RSPH1: variants seen among roughly 807,000 people sequenced by gnomAD.
RSPH1 encodes the protein radial spoke head 1 homolog.
RSPH1 carries 32 observed loss-of-function variants against 44.2 expected under a neutral mutation model. The ratio of observed to expected loss-of-function variants is 0.72; its 90% CI spans 0.55 to 0.97. The LOEUF (loss-of-function observed/expected upper bound fraction) is 0.97. RSPH1 is among the 50% of genes least tolerant of loss of function. RSPH1 has a pLI of 0.00. For synonymous variants in RSPH1, 134 were observed against 147.3 expected (o/e 0.91, Z 0.65); for missense variants, 391 against 398.7 (o/e 0.98, Z 0.16).
intron 6 of RSPH1, among the ~76,000 whole-genome samples, chr21:42,480,612 C>A (rs2054116290): frequency 7.3e-6 from 1 of 136,324 alleles, no homozygotes; most frequent in Admixed American, 8.5e-5. Context: ...TGCACTCCAG[C>A]CTGGGCAACA....
chr21:42,490,620 A>T (rs1260939905), intron 3 of RSPH1, among the ~76,000 whole-genome samples: 3 of 152,212 alleles, frequency 2.0e-5, no homozygotes, highest in Non-Finnish European at 4.4e-5. Flanking sequence ...TTACCAGAAG[A>T]GCTTTATATG....
At chr21:42,495,400 G>C (rs1352427737) in intron 1 of RSPH1, among the ~76,000 whole-genome samples, 1 of 152,190 alleles carries the variant, frequency 6.6e-6, no homozygotes, top group East Asian at 1.9e-4. Flanking sequence ...TCTGTACTGT[G>C]CATGCAGACC....
At chr21:42,485,583 G>T in intron 5 of RSPH1, 86 bp downstream of exon 5, 36 of 1,489,390 alleles carry the variant, frequency 2.4e-5, no homozygotes, top group Non-Finnish European at 3.3e-5. Flanking sequence ...CTGAGTTTTT[G>T]GTATTCTCTG....
chr21:42,496,214 G>A lies in RSPH1; in HGVS notation c.-28C>T. ...TCTCGCCCCAGCCTGGATCACAGCC[G>A]CAGCGCCTCTAGCAGGTGGGTAGCA... On this transcript the variant is annotated 5_prime_UTR_variant, in exon 1 of 9. Coordinates refer to ENST00000291536, the MANE Select transcript of RSPH1 (RefSeq NM_080860.4). 6.2e-7 allele frequency: 1 copy of A among 1,613,452 alleles called. No individual in the cohort carries two copies. Among genetic ancestry groups the A allele is most frequent in the Non-Finnish European group, 8.5e-7 (1 of 1,179,466 alleles).
chr21:42,479,354 C>T (rs1024700557), intron 6 of RSPH1, among the ~76,000 whole-genome samples: 3 of 152,172 alleles, frequency 2.0e-5, no homozygotes, highest in African/African-American at 7.2e-5. Context: ...TAAACAGCAA[C>T]AGGACTTGGG....
At chr21:42,490,181 A>G (rs1248503063) in intron 3 of RSPH1, among the ~76,000 whole-genome samples, 1 of 142,620 alleles carries the variant, frequency 7.0e-6, no homozygotes, top group African/African-American at 2.7e-5. Flanking sequence ...TATCCAAGTC[A>G]CCCGCCACCC....
intron 6 of RSPH1, 83 bp downstream of exon 6, chr21:42,482,554 C>T (rs2054139040): frequency 1.0e-6 from 1 of 974,350 alleles, no homozygotes; most frequent in Non-Finnish European, 1.6e-6. Flanking sequence ...TTAGGCGAAT[C>T]ACCTCCAACC....
At chr21:42,496,080 G>A in intron 1 of RSPH1, 53 bp downstream of exon 1, 1 of 1,604,444 alleles carries the variant, frequency 6.2e-7, no homozygotes, top group South Asian at 1.1e-5. Flanking sequence ...CAACCTCGAG[G>A]TTCCCCCGCC....
intron 6 of RSPH1, 30 bp downstream of exon 6, chr21:42,482,607 T>A (rs1030409540): frequency 3.9e-6 from 6 of 1,547,902 alleles, no homozygotes; most frequent in Non-Finnish European, 5.3e-6. Flanking sequence ...CCTGTTAATG[T>A]AACAAAACCC....
intron 3 of RSPH1, among the ~76,000 whole-genome samples, chr21:42,490,465 T>A (rs1423279406): frequency 6.6e-6 from 1 of 152,252 alleles, no homozygotes; most frequent in Non-Finnish European, 1.5e-5. Context: ...ATTAATATTA[T>A]AACTTCTGAC....
In RSPH1 at chr21:42,485,778, G is replaced by A. The variant is rs763522896; in HGVS notation, c.392C>T (p.Ala131Val). 3.0e-5 allele frequency: 48 copies of A among 1,614,052 alleles called. No individual in the cohort carries two copies. The highest frequency in any genetic ancestry group is 1.6e-4 in the Middle Eastern group (1 of 6,084). The change falls in exon 5 of 9, where the codon GCG becomes GTG. Residue 131 changes from alanine to valine, a missense_variant. Coordinates refer to ENST00000291536, the MANE Select transcript of RSPH1 (RefSeq NM_080860.4). ...GCCAACATACTTACTGCCCGTCTCC[G>A]CGTATAAATAGGTGCCTTGCCCATG... ...QRHGQGTYLY[A>V]ETGSKYVGTW...
chr21:42,490,538 A>G (rs1233648416), intron 3 of RSPH1, among the ~76,000 whole-genome samples: 1 of 152,174 alleles, frequency 6.6e-6, no homozygotes, highest in Non-Finnish European at 1.5e-5. Flanking sequence ...CAGAGAAGAA[A>G]TCTCTGGGTA....
intron 5 of RSPH1, among the ~76,000 whole-genome samples, chr21:42,484,386 C>A (rs1180318557): frequency 6.6e-6 from 1 of 152,204 alleles, no homozygotes; most frequent in African/African-American, 2.4e-5. Context: ...CTAACCTACA[C>A]AATAGTCCCA....
intron 6 of RSPH1, among the ~76,000 whole-genome samples, chr21:42,481,979 A>G (rs952524068): frequency 1.3e-5 from 2 of 152,236 alleles, no homozygotes; most frequent in African/African-American, 4.8e-5. Context: ...GCTAACAGTC[A>G]CTGGACAAAC....
chr21:42,486,870 C>A (rs1203623361), intron 3 of RSPH1, among the ~76,000 whole-genome samples: 2 of 152,212 alleles, frequency 1.3e-5, no homozygotes, highest in African/African-American at 2.4e-5. Flanking sequence ...AGGAGGGAGA[C>A]AAACCAAGGT....
chr21:42,481,297 A>G (rs2054125651), intron 6 of RSPH1, among the ~76,000 whole-genome samples: 1 of 152,054 alleles, frequency 6.6e-6, no homozygotes, highest in South Asian at 2.1e-4. Context: ...CATGAGTGGA[A>G]GCTTCCTGAG....
At chr21:42,473,127 T>C (rs1432072121) in intron 8 of RSPH1, among the ~76,000 whole-genome samples, 1 of 152,208 alleles carries the variant, frequency 6.6e-6, no homozygotes, top group Non-Finnish European at 1.5e-5. Context: ...AGTAATTCTC[T>C]TATGCCTGCA....
chr21:42,489,978 T>C (rs867025651), intron 3 of RSPH1, among the ~76,000 whole-genome samples: 2 of 152,218 alleles, frequency 1.3e-5, no homozygotes, highest in South Asian at 2.1e-4. Flanking sequence ...TGATGAGTTC[T>C]GTTTGACAGG....
intron 3 of RSPH1, among the ~76,000 whole-genome samples, chr21:42,487,672 C>T (rs1292213166): frequency 6.6e-6 from 1 of 151,934 alleles, no homozygotes; most frequent in East Asian, 1.9e-4. Context: ...TTTATATTTT[C>T]TTTTTTTTAA....
Sources: gnomAD v4.1 joint callset for allele counts (sites outside exome capture counted in the v4.1 genomes callset) on GRCh38, gnomAD v4.1.1 for gene constraint, MANE v1.5 for transcripts, NCBI Gene and HGNC (gene_info 2026-07-23, HGNC 2026-07-21) for gene names.